The following PCDH19 variants were observed in gnomAD, a reference collection of about 807,000 sequenced individuals.
PCDH19 encodes protocadherin 19, also known as protocadherin-19.
In PCDH19, 6 loss-of-function variants were observed where a neutral mutation model predicts 46.2. The observed-to-expected ratio is 0.13, with a 90% confidence interval of 0.07 to 0.26. The LOEUF is 0.26. PCDH19 is among the 10% of genes least tolerant of loss of function. The pLI is 1.00. For missense variants in PCDH19, 740 were observed against 972.3 expected (o/e 0.76, Z 3.18); for synonymous variants, 481 against 415.7 (o/e 1.16, Z -1.91).
intron 5 of PCDH19, among the ~76,000 whole-genome samples, chrX:100,316,852 C>G (rs1925323771): frequency 8.9e-6 from 1 of 111,779 alleles, no homozygotes; most frequent in African/African-American, 3.3e-5. Context: ...TCTACTCTTG[C>G]TTTCAGTGAC....
At chrX:100,395,276 G>C (rs1266336739) in intron 3 of PCDH19, among the ~76,000 whole-genome samples, 1 of 112,215 alleles carries the variant, frequency 8.9e-6, no homozygotes, top group Non-Finnish European at 1.9e-5. Flanking sequence ...CATTATATAA[G>C]GACTCTCCTT....
At chrX:100,306,865 T>TATAGAAACTCGTAACAGACCA (rs1308948103) in intron 5 of PCDH19, among the ~76,000 whole-genome samples, 1 of 111,346 alleles carries the variant, frequency 9.0e-6, no homozygotes, top group African/African-American at 3.3e-5. Context: ...ACCAGGAAGA[T>TATAGAAACTCGTAACAGACCA]ATAGAAACTC....
At chrX:100,389,719 T>C (rs1427598972) in intron 3 of PCDH19, among the ~76,000 whole-genome samples, 4 of 111,572 alleles carry the variant, frequency 3.6e-5, no homozygotes, top group Non-Finnish European at 5.7e-5. Flanking sequence ...TTAATAAATA[T>C]AGGTTCTCTG....
At position 100,296,741 on chromosome X, in the gene PCDH19, T is replaced by C. The variant is rs1413490920; in HGVS notation, c.2983A>G (p.Ile995Val). 3 of 1,211,212 alleles carry C rather than the reference T, an allele frequency of 2.5e-6. No individual in the cohort carries two copies. Among genetic ancestry groups the C allele is most frequent in the East Asian group, 3.0e-5 (1 of 33,799 alleles). ...TCGACATCAGCAGCAGTAGCTTCAATAGACAGCGCGATGATGTTCCTCACA... is the reference window on the plus strand; with the variant it reads ...TCGACATCAGCAGCAGTAGCTTCAACAGACAGCGCGATGATGTTCCTCACA... ...EHVRNIIALS[I>V]EATAADVEAY... The change falls in exon 6 of 6, where the codon ATT becomes GTT. Residue 995 changes from isoleucine to valine, a missense_variant. By Grantham distance (29) the Ile-to-Val change is conservative (BLOSUM62 3). Coordinates refer to ENST00000373034, the MANE Select transcript of PCDH19 (RefSeq NM_001184880.2).
intron 3 of PCDH19, among the ~76,000 whole-genome samples, chrX:100,375,695 G>C (rs766716052): frequency 8.9e-6 from 1 of 111,769 alleles, no homozygotes; most frequent in Admixed American, 9.5e-5. Flanking sequence ...GGTTGAACTA[G>C]TACAGTCCCA....
chrX:100,409,615 G>A lies in PCDH19; in HGVS notation c.-1018C>T. 7.0e-6 allele frequency: 1 copy of A among 143,347 alleles called. No individual in the cohort carries two copies. The highest frequency in any genetic ancestry group is 1.4e-5 in the Non-Finnish European group (1 of 74,015). 11.8% of individuals were successfully genotyped at this position (143,347 alleles called of 1,213,427 possible). On this transcript the variant is annotated 5_prime_UTR_variant, in exon 1 of 6. Coordinates refer to ENST00000373034, the MANE Select transcript of PCDH19 (RefSeq NM_001184880.2). ...GGGGAATGGGGAAGAGGGAAGGGGA[G>A]GCAACAACAGTACCGGCCAGGAGAG... is the stretch of plus-strand genomic sequence containing the variant.
At chrX:100,309,154 G>GCGCACACACACACACACA (rs1555973960) in intron 5 of PCDH19, among the ~76,000 whole-genome samples, 2 of 81,769 alleles carry the variant, frequency 2.4e-5, no homozygotes, top group Non-Finnish European at 4.9e-5. Context: ...TGTGATGCAT[G>GCGCACACACACACACACA]CACACACACA....
intron 5 of PCDH19, among the ~76,000 whole-genome samples, 183 bp downstream of exon 5, chrX:100,341,720 G>C (rs1448157595): frequency 8.9e-6 from 1 of 111,965 alleles, no homozygotes; most frequent in Non-Finnish European, 1.9e-5. Context: ...GATCCACTTA[G>C]GGAGGGCAAA....
intron 5 of PCDH19, among the ~76,000 whole-genome samples, chrX:100,303,884 A>G (rs1924862076): frequency 8.9e-6 from 1 of 112,582 alleles, no homozygotes; most frequent in South Asian, 3.7e-4. Context: ...AAAGGATGCC[A>G]GCACTGATTG....
At chrX:100,371,026 G>GT (rs1569304523) in intron 3 of PCDH19, among the ~76,000 whole-genome samples, 27 of 77,848 alleles carry the variant, frequency 3.5e-4, no homozygotes, top group African/African-American at 9.7e-4. Context: ...TGTGTGTGTG[G>GT]GTGTGTGTGT....
intron 3 of PCDH19, among the ~76,000 whole-genome samples, chrX:100,370,124 T>A (rs1927175457): frequency 9.0e-6 from 1 of 111,039 alleles, no homozygotes; most frequent in Admixed American, 9.6e-5. Context: ...CAAAAGAAAT[T>A]CTACTGGAAA....
chrX:100,409,774 C>T lies in PCDH19; in HGVS notation c.-1177G>A, dbSNP rs745559489. On this transcript the variant is annotated 5_prime_UTR_variant, in exon 1 of 6. Transcript: ENST00000373034. ...GCCCTCCTAGCTCAGTTGCACGTCG[C>T]TGGGGTCCGCCTCAGCAGCTGCCAC... 10 of 216,301 alleles carry T rather than the reference C, an allele frequency of 4.6e-5. No homozygotes were observed. In the East Asian group the frequency reaches 9.0e-4, roughly 20 times the overall value. 17.8% of individuals were successfully genotyped at this position (216,301 alleles called of 1,213,427 possible).
intron 5 of PCDH19, among the ~76,000 whole-genome samples, chrX:100,304,123 G>A (rs966080966): frequency 8.9e-6 from 1 of 112,251 alleles, no homozygotes; most frequent in Non-Finnish European, 1.9e-5. Flanking sequence ...CACAAAGCCA[G>A]TGCACTAAAC....
At chrX:100,387,683 A>G (rs1927753535) in intron 3 of PCDH19, among the ~76,000 whole-genome samples, 1 of 112,150 alleles carries the variant, frequency 8.9e-6, no homozygotes, top group African/African-American at 3.2e-5. Context: ...TAGATGTCTA[A>G]CACTGGTGAG....
At position 100,403,578 on chromosome X, in the gene PCDH19, A is replaced by G. The variant is rs369703205; in HGVS notation, c.2234T>C (p.Ile745Thr). ...TGTCTTTTTGTCTTGCTCCTCGCTAATGGGAGAAACCGAGATGCAATGCAG... is the reference window on the plus strand; with the variant it reads ...TGTCTTTTTGTCTTGCTCCTCGCTAGTGGGAGAAACCGAGATGCAATGCAG... ...KCLHCISVSP[I>T]SEEQDKKTEE... The change falls in exon 2 of 6, where the codon ATT becomes ACT. Residue 745 changes from isoleucine to threonine, a missense_variant. Ile to Thr is a moderately conservative substitution (Grantham distance 89, BLOSUM62 -1). This residue lies in a region of PCDH19 where 416 missense variants were observed against 476.8 expected (regional missense o/e 0.87). Transcript: ENST00000373034. 10 of 1,208,272 alleles carry G rather than the reference A, an allele frequency of 8.3e-6. No homozygotes were observed. The highest frequency in any genetic ancestry group is 1.7e-5 in the African/African-American group (1 of 57,338).
intron 3 of PCDH19, among the ~76,000 whole-genome samples, chrX:100,395,517 G>A (rs1253436959): frequency 1.8e-5 from 2 of 112,860 alleles, no homozygotes; most frequent in Non-Finnish European, 3.7e-5. Context: ...GCAAAATGGA[G>A]GCTTGTTTGG....
chrX:100,338,198 G>A (rs1435968824), intron 5 of PCDH19, among the ~76,000 whole-genome samples: 4 of 108,811 alleles, frequency 3.7e-5, no homozygotes, highest in Non-Finnish European at 5.7e-5. Context: ...AAAAATTAGC[G>A]GGGCGTAGTG....
In PCDH19 at chrX:100,297,642, C is replaced by T. The variant is rs181510337; in HGVS notation, c.2849-767G>A. 6.2e-5 allele frequency among the ~76,000 whole-genome samples: 7 copies of T among 112,227 alleles called. No individual in the cohort carries two copies. The East Asian group carries it at 2.0e-3, about 31-fold the overall frequency. On this transcript the variant is annotated intron_variant, in intron 5 of 5. Coordinates refer to ENST00000373034, the MANE Select transcript of PCDH19 (RefSeq NM_001184880.2). ...CTGCAGTTTTGTTAGAGAAATATTTCTTAAAGAAATCTTTCATGGATTATT... is the reference window on the plus strand; with the variant it reads ...CTGCAGTTTTGTTAGAGAAATATTTTTTAAAGAAATCTTTCATGGATTATT...
At chrX:100,375,107 C>A (rs1386164993) in intron 3 of PCDH19, among the ~76,000 whole-genome samples, 1 of 111,559 alleles carries the variant, frequency 9.0e-6, no homozygotes, top group African/African-American at 3.3e-5. Flanking sequence ...CATATTAAGC[C>A]CTATATGATT....
Sources: allele counts gnomAD v4.1 joint callset (sites outside exome capture counted in the v4.1 genomes callset), GRCh38; gene constraint gnomAD v4.1.1; regional missense constraint gnomAD v4.1.1; transcripts MANE v1.5; gene names NCBI Gene and HGNC (gene_info 2026-07-23, HGNC 2026-07-21).